Variants in PTPN13 observed in about 807,000 individuals in gnomAD.
PTPN13 encodes the protein tyrosine-protein phosphatase non-receptor type 13.
PTPN13 carries 191 observed loss-of-function variants against 284.0 expected under a neutral mutation model. The observed-to-expected ratio is 0.67, with a 90% CI of 0.60 to 0.76. PTPN13 has a LOEUF of 0.76. Ranked by LOEUF, PTPN13 falls within the 30% of genes least tolerant of loss-of-function variation. The probability of loss-of-function intolerance (pLI) is 0.00; values close to 1 mark genes in which losing one functional copy is unlikely to be tolerated. For synonymous variants in PTPN13, 986 were observed against 1,022.3 expected, an observed-to-expected ratio of 0.96 and a Z score of 0.68; for missense variants, 2,797 against 2,939.9, an observed-to-expected ratio of 0.95 and a Z score of 1.12.
chr4:86,669,315 A>ATG (rs1334651749), intron 2 of PTPN13, among the ~76,000 whole-genome samples: 1 of 142,144 alleles, frequency 7.0e-6, no homozygotes, highest in Non-Finnish European at 1.5e-5. Context: ...ATATATATAT[A>ATG]TAGTGCTTAA....
At position 86,639,378 on chromosome 4, in the gene PTPN13, A is replaced by T. The variant is rs368592651; in HGVS notation, c.115+4007A>T. Among the ~76,000 whole-genome samples the T allele has an allele frequency of 6.5e-3, 992 of 152,264 alleles. 12 individuals carry two copies. The highest frequency in any genetic ancestry group is 0.023 in the African/African-American group (952 of 41,542). Reference sequence around the variant, plus strand: ...TGCTGCTATAAAGACACACGCACACATATGTTTATTGCGGCACTATTCACA... The same window carrying T: ...TGCTGCTATAAAGACACACGCACACTTATGTTTATTGCGGCACTATTCACA... On this transcript the variant is annotated intron_variant, in intron 2 of 47. Coordinates refer to ENST00000411767, the MANE Select transcript of PTPN13 (RefSeq NM_080683.3).
intron 3 of PTPN13, among the ~76,000 whole-genome samples, chr4:86,675,088 A>G (rs1000264986): frequency 1.3e-5 from 2 of 152,188 alleles, no homozygotes; most frequent in Non-Finnish European, 2.9e-5. Flanking sequence ...TGATGTCTAG[A>G]TCCCCACACA....
chr4:86,717,888 G>A (rs1733207972), intron 9 of PTPN13, among the ~76,000 whole-genome samples: 1 of 151,866 alleles, frequency 6.6e-6, no homozygotes, highest in African/African-American at 2.4e-5. Context: ...ATCTTTCCTG[G>A]CTTAAAAGAG....
At chr4:86,640,600 G>C (rs1012486086) in intron 2 of PTPN13, among the ~76,000 whole-genome samples, 1 of 152,158 alleles carries the variant, frequency 6.6e-6, no homozygotes, top group Non-Finnish European at 1.5e-5. Flanking sequence ...TACTACAGAT[G>C]TTCAGAGGAG....
chr4:86,598,721 A>G (rs962531166), intron 1 of PTPN13, among the ~76,000 whole-genome samples: 12 of 151,972 alleles, frequency 7.9e-5, no homozygotes, highest in African/African-American at 2.9e-4. Context: ...AGTAGTATTC[A>G]ACTCTGCCTG....
intron 1 of PTPN13, among the ~76,000 whole-genome samples, chr4:86,633,889 C>T (rs1377224039): frequency 6.6e-6 from 1 of 152,184 alleles, no homozygotes; most frequent in Non-Finnish European, 1.5e-5. Context: ...TAAATAATCG[C>T]ACTTCTTGTA....
intron 2 of PTPN13, among the ~76,000 whole-genome samples, chr4:86,665,342 G>A (rs1726947682): frequency 6.6e-6 from 1 of 152,162 alleles, no homozygotes; most frequent in African/African-American, 2.4e-5. Flanking sequence ...ATGATTTCAT[G>A]TTATTAGAAT....
chr4:86,606,471 T>G (rs1399496007), intron 1 of PTPN13, among the ~76,000 whole-genome samples: 2 of 151,856 alleles, frequency 1.3e-5, no homozygotes, highest in Admixed American at 6.6e-5. Flanking sequence ...TTGTAAGTGC[T>G]TTCCACAAAT....
At chr4:86,809,126 AAG>A (rs1359968120) in intron 45 of PTPN13, among the ~76,000 whole-genome samples, 3 of 152,162 alleles carry the variant, frequency 2.0e-5, no homozygotes, top group Non-Finnish European at 4.4e-5. Context: ...GGTGAGGTCT[AAG>A]AGGAAACAGG....
Position 86,629,470 on chromosome 4 carries a change from A to G in PTPN13, c.-5-5782A>G, listed in dbSNP as rs1384828919. ...ACAACAGGTGCTGGAGAGGATGTGG[A>G]GAAATAGGAACACTTTTACACTGTT... On this transcript the variant is annotated intron_variant, in intron 1 of 47. Transcript: ENST00000411767. 2.0e-5 allele frequency among the ~76,000 whole-genome samples: 3 copies of G among 151,960 alleles called. No homozygotes were observed. The East Asian group carries it at 5.8e-4, about 29-fold the overall frequency.
rs542037412 is a variant in PTPN13 at position 86,602,338 on chromosome 4, A to G, written c.-6+7549A>G. Among the ~76,000 whole-genome samples the G allele has an allele frequency of 1.2e-3, 177 of 152,296 alleles. 1 individual carries two copies. Among genetic ancestry groups the G allele is most frequent in the African/African-American group, 4.0e-3 (166 of 41,568 alleles). ...TTTCCTCATCTTCAAAATGAGGATGATAACCAAGCCTACTTTATGGGATTG... is the reference window on the plus strand; with the variant it reads ...TTTCCTCATCTTCAAAATGAGGATGGTAACCAAGCCTACTTTATGGGATTG... On this transcript the variant is annotated intron_variant, in intron 1 of 47. Coordinates refer to ENST00000411767, the MANE Select transcript of PTPN13 (RefSeq NM_080683.3).
At chr4:86,666,060 A>G (rs558495716) in intron 2 of PTPN13, among the ~76,000 whole-genome samples, 3 of 152,246 alleles carry the variant, frequency 2.0e-5, no homozygotes, top group East Asian at 3.9e-4. Flanking sequence ...AATGATTTTT[A>G]TAAATAAGGA....
At chr4:86,729,447 T>C (rs1357299860) in intron 10 of PTPN13, among the ~76,000 whole-genome samples, 1 of 149,796 alleles carries the variant, frequency 6.7e-6, no homozygotes, top group Non-Finnish European at 1.5e-5. Context: ...TCCAACTTGA[T>C]TCCATTTTCC....
chr4:86,766,375 A>C, intron 26 of PTPN13, 57 bp from the exon 27 acceptor site: 1 of 1,350,066 alleles, frequency 7.4e-7, no homozygotes, highest in Non-Finnish European at 1.0e-6. Context: ...ATAAGACCAT[A>C]AGATTTAAAA....
chr4:86,633,960 T>G (rs1029278760), intron 1 of PTPN13, among the ~76,000 whole-genome samples: 3 of 152,220 alleles, frequency 2.0e-5, no homozygotes, highest in African/African-American at 7.2e-5. Flanking sequence ...TCCTTTTAAC[T>G]TTCACATTGT....
chr4:86,710,480 G>A (rs1732267797), intron 7 of PTPN13, among the ~76,000 whole-genome samples: 1 of 152,118 alleles, frequency 6.6e-6, no homozygotes, highest in Non-Finnish European at 1.5e-5. Flanking sequence ...AGACTTTAAT[G>A]TTTCATTTGA....
rs367776758 is a variant in PTPN13 at position 86,701,349 on chromosome 4, A to T, written c.743A>T (p.Asp248Val). 1.2e-6 allele frequency: 2 copies of T among 1,612,710 alleles called. No individual in the cohort carries two copies. The highest frequency in any genetic ancestry group is 1.7e-6 in the Non-Finnish European group (2 of 1,178,920). ...TCTATGGGATTTCTGTCCATCAAAG[A>T]TACACAAGATGAGAATTATTTCAAG... Reference protein sequence around the residue: ...SKSMGFLSIKDTQDENYFKDI... With the variant: ...SKSMGFLSIKVTQDENYFKDI... Residue 248 changes from aspartate to valine, a missense_variant, in exon 7 of 48, where the codon GAT becomes GTT. Asp to Val is a radical substitution (Grantham distance 152, BLOSUM62 -3). Coordinates refer to ENST00000411767, the MANE Select transcript of PTPN13 (RefSeq NM_080683.3).
chr4:86,670,387 C>A (rs1396690959), intron 2 of PTPN13, among the ~76,000 whole-genome samples: 1 of 151,480 alleles, frequency 6.6e-6, no homozygotes, highest in African/African-American at 2.4e-5. Context: ...TAACCCCCAC[C>A]TCAGCAGCCT....
rs57773658 is a variant in PTPN13, at chr4:86,728,643, C to CTTTTTTTTT, written c.1609-3731_1609-3723dup. ...CAGAGACTAGGATTGCAACCCCTGCCTTTTTTTTTTTTTTTTTTTTTTTTT... is the reference window on the plus strand; with the variant it reads ...CAGAGACTAGGATTGCAACCCCTGCCTTTTTTTTTTTTTTTTTTTTTTTTTTTTTTTTTT... On this transcript the variant is annotated intron_variant, in intron 10 of 47. Coordinates refer to ENST00000411767, the MANE Select transcript of PTPN13 (RefSeq NM_080683.3). 2.9e-4 allele frequency among the ~76,000 whole-genome samples: 7 copies of CTTTTTTTTT among 24,502 alleles called. 1 individual carries two copies. Among genetic ancestry groups the CTTTTTTTTT allele is most frequent in the African/African-American group, 7.5e-4 (5 of 6,666 alleles). 16.1% of individuals were successfully genotyped at this position (24,502 alleles called of 152,430 possible).
Sources: allele counts gnomAD v4.1 joint callset (sites outside exome capture counted in the v4.1 genomes callset), GRCh38; gene constraint gnomAD v4.1.1; transcripts MANE v1.5; gene names NCBI Gene and HGNC (gene_info 2026-07-23, HGNC 2026-07-21).